Variants in TBCE observed in about 807,000 individuals in gnomAD.
TBCE encodes the protein tubulin folding cofactor E.
Under a neutral mutation model 77.0 loss-of-function variants are expected in TBCE, and 53 were observed. The observed-to-expected ratio is 0.69, with a 90% CI of 0.55 to 0.87. TBCE has a LOEUF of 0.87. Ranked by LOEUF, TBCE falls within the 40% of genes least tolerant of loss-of-function variation. TBCE has a pLI of 0.00. For synonymous variants in TBCE, 235 were observed against 241.3 expected, an observed-to-expected ratio of 0.97 and a Z score of 0.24; for missense variants, 624 against 622.4, an observed-to-expected ratio of 1.00 and a Z score of -0.03.
chr1:235,418,206 A>C (rs1680209192), intron 4 of TBCE, among the ~76,000 whole-genome samples: 1 of 152,176 alleles, frequency 6.6e-6, no homozygotes, highest in Non-Finnish European at 1.5e-5. Flanking sequence ...TGCATTGTAT[A>C]TGTGTGCCAC....
chr1:235,381,971 C>CA (rs1379181070), intron 2 of TBCE, among the ~76,000 whole-genome samples: 1 of 102,068 alleles, frequency 9.8e-6, no homozygotes, highest in Non-Finnish European at 1.9e-5. Flanking sequence ...CCCCTCCCCC[C>CA]ACCCCACAAC....
At chr1:235,435,935 G>A in intron 9 of TBCE, 95 bp downstream of exon 9, 1 of 1,088,174 alleles carries the variant, frequency 9.2e-7, no homozygotes, top group Non-Finnish European at 1.4e-6. Context: ...ATAGAAACGT[G>A]GTAACAATGA....
intron 7 of TBCE, among the ~76,000 whole-genome samples, chr1:235,431,359 C>T (rs1681072672): frequency 6.6e-6 from 1 of 151,118 alleles, no homozygotes; most frequent in Non-Finnish European, 1.5e-5. Context: ...GAGCATTCCA[C>T]TTTCTTTTTT....
At chr1:235,388,743 A>C (rs925623675) in intron 2 of TBCE, among the ~76,000 whole-genome samples, 16 of 152,364 alleles carry the variant, frequency 1.1e-4, no homozygotes, top group African/African-American at 3.8e-4. Flanking sequence ...ACACTTAGAA[A>C]GTTTAGTGTT....
chr1:235,438,793 G>A lies in TBCE; in HGVS notation c.1141G>A (p.Ala381Thr), dbSNP rs752745697. The part of the protein sequence containing the change: ...CEILPEERRR[A>T]ELDYRKAFGN... ...GATTCTCCCCGAGGAGAGGCGGAGA[G>A]CTGAGCTTGACTACCGAAAAGCTTT... Residue 381 changes from alanine to threonine, a missense_variant, in exon 13 of 17, where the codon GCT becomes ACT. Physicochemically the swap from Ala to Thr is moderately conservative, Grantham distance 58. Transcript: ENST00000642610. 3.7e-6 allele frequency: 6 copies of A among 1,614,026 alleles called. No homozygotes were observed. The highest frequency in any genetic ancestry group is 2.2e-5 in the East Asian group (1 of 44,880).
intron 1 of TBCE, among the ~76,000 whole-genome samples, chr1:235,372,641 G>C (rs558096908): frequency 1.6e-4 from 24 of 151,746 alleles, no homozygotes; most frequent in Non-Finnish European, 2.8e-4. Context: ...GAGAGAGAGA[G>C]AGGCTGGGCA....
rs71174417 is a variant in TBCE at position 235,371,038 on chromosome 1, CTTTTTTTTTTTTTTTT to C, written c.-32+3553_-32+3568del. Among the ~76,000 whole-genome samples, 29 of 23,306 alleles carry C rather than the reference CTTTTTTTTTTTTTTTT, an allele frequency of 1.2e-3. 1 individual carries two copies. The East Asian group carries it at 0.026, about 21-fold the overall frequency. The allele number at this position is 23,306 out of a possible 152,430, so 15.3% of individuals were successfully genotyped here. On this transcript the variant is annotated intron_variant, in intron 1 of 16. Coordinates refer to ENST00000642610, the MANE Select transcript of TBCE (RefSeq NM_003193.5). ...TACAGGTGTGAGCTATCACGCCTGG[CTTTTTTTTTTTTTTTT>C]TTTTTTTTTTTTTTTTTTGAGACAG...
intron 3 of TBCE, among the ~76,000 whole-genome samples, chr1:235,405,160 G>T (rs950931784): frequency 1.3e-5 from 2 of 151,052 alleles, no homozygotes; most frequent in Non-Finnish European, 3.0e-5. Context: ...ACGGGGTTTC[G>T]CCATGTTGGC....
chr1:235,431,903 T>C (rs143364194), intron 7 of TBCE, among the ~76,000 whole-genome samples: 3,415 of 147,856 alleles, frequency 0.023, 139 homozygotes, highest in African/African-American at 0.081. Flanking sequence ...AACTCCTGAC[T>C]TCAGGTGATC....
chr1:235,375,285 A>G (rs1481490225), intron 1 of TBCE, among the ~76,000 whole-genome samples: 2 of 152,138 alleles, frequency 1.3e-5, no homozygotes, highest in Non-Finnish European at 2.9e-5. Context: ...TAAGTGGGCT[A>G]TCTTCATTAG....
chr1:235,432,430 C>A (rs773473228), intron 7 of TBCE, among the ~76,000 whole-genome samples: 4 of 152,278 alleles, frequency 2.6e-5, no homozygotes, highest in Non-Finnish European at 4.4e-5. Flanking sequence ...TTTCCTAGGG[C>A]CCCTCCTCTG....
At chr1:235,407,120 C>T (rs1679481906) in intron 3 of TBCE, among the ~76,000 whole-genome samples, 1 of 150,764 alleles carries the variant, frequency 6.6e-6, no homozygotes. Context: ...TGAACCACTG[C>T]ACCTGGCCCC....
Position 235,427,290 on chromosome 1 carries a change from C to T in TBCE, c.560+51C>T, listed in dbSNP as rs749011488. On this transcript the variant is annotated intron_variant, in intron 6 of 16. Coordinates refer to ENST00000642610, the MANE Select transcript of TBCE (RefSeq NM_003193.5). Reference sequence around the variant, plus strand: ...TCATTAACAATAAAGCTCATCTCTCCTTGCTTCCTCACAGCATCTCTGTGG... The same window carrying T: ...TCATTAACAATAAAGCTCATCTCTCTTTGCTTCCTCACAGCATCTCTGTGG... 4.4e-6 allele frequency: 6 copies of T among 1,352,288 alleles called. No individual in the cohort carries two copies. In the Admixed American group the frequency reaches 8.4e-5, roughly 19 times the overall value. 83.8% of individuals were successfully genotyped at this position (1,352,288 alleles called of 1,614,324 possible).
intron 5 of TBCE, among the ~76,000 whole-genome samples, chr1:235,422,400 C>A (rs924453764): frequency 6.6e-5 from 10 of 151,954 alleles, no homozygotes; most frequent in Middle Eastern, 3.4e-3. Context: ...CTAATCCCAG[C>A]TACTCAGGAG....
intron 7 of TBCE, among the ~76,000 whole-genome samples, chr1:235,431,788 T>C (rs906379122): frequency 1.3e-5 from 2 of 150,920 alleles, no homozygotes; most frequent in Admixed American, 6.6e-5. Flanking sequence ...TTCTTCCGCG[T>C]CAGCCTCTCA....
At chr1:235,415,075 C>A in intron 4 of TBCE, 2 of 223,160 alleles carry the variant, frequency 9.0e-6, no homozygotes, top group Non-Finnish European at 1.8e-5. Flanking sequence ...GTGGAACATG[C>A]GGCATCCTTG....
chr1:235,438,574 C>G (rs960605543), intron 12 of TBCE, among the ~76,000 whole-genome samples, 195 bp from the exon 13 acceptor site: 74 of 148,700 alleles, frequency 5.0e-4, no homozygotes, highest in South Asian at 1.1e-3. Flanking sequence ...GAGTGTAAAA[C>G]TGAAATTCTT....
chr1:235,399,909 C>T (rs1012239020), intron 2 of TBCE, among the ~76,000 whole-genome samples: 2 of 152,032 alleles, frequency 1.3e-5, no homozygotes, highest in Non-Finnish European at 2.9e-5. Flanking sequence ...GGGAAAACCC[C>T]CACACATTCG....
In TBCE at chr1:235,400,779, C is replaced by T. The variant is rs182884660; in HGVS notation, c.101-724C>T. On this transcript the variant is annotated intron_variant, in intron 2 of 16. Transcript: ENST00000642610. Reference sequence around the variant, plus strand: ...GCATGATCTCGGCTCACTGCAACCTCCGCCTCCCGGGTTCAAGTGATTCTC... The same window carrying T: ...GCATGATCTCGGCTCACTGCAACCTTCGCCTCCCGGGTTCAAGTGATTCTC... Among the ~76,000 whole-genome samples, 552 of 151,370 alleles carry T rather than the reference C, an allele frequency of 3.6e-3. 3 individuals carry two copies. The highest frequency in any genetic ancestry group is 0.013 in the African/African-American group (537 of 41,212).
Sources: allele counts gnomAD v4.1 joint callset (sites outside exome capture counted in the v4.1 genomes callset), GRCh38; gene constraint gnomAD v4.1.1; transcripts MANE v1.5; gene names NCBI Gene and HGNC (gene_info 2026-07-23, HGNC 2026-07-21).